The following DAPK2 variants were observed in gnomAD, a reference collection of about 807,000 sequenced individuals.
DAPK2 encodes death associated protein kinase 2.
DAPK2 carries 35 observed loss-of-function variants against 44.1 expected under a neutral mutation model. The ratio of observed to expected loss-of-function variants is 0.79; its 90% CI spans 0.61 to 1.05. The LOEUF (loss-of-function observed/expected upper bound fraction) is 1.05. Among genes scored for constraint, DAPK2 ranks in the 50% least tolerant of loss-of-function variants. The pLI is 0.00. For synonymous variants in DAPK2, 174 were observed against 182.6 expected (o/e 0.95, Z 0.38); for missense variants, 453 against 483.2 (o/e 0.94, Z 0.59).
intron 3 of DAPK2, among the ~76,000 whole-genome samples, chr15:63,950,571 A>AC (rs1335662024): frequency 1.3e-5 from 2 of 151,944 alleles, no homozygotes; most frequent in African/African-American, 2.4e-5. Flanking sequence ...AAAGAAAAAA[A>AC]CACTGTTTTA....
chr15:63,997,359 G>A (rs947183227), intron 1 of DAPK2, among the ~76,000 whole-genome samples: 3 of 152,186 alleles, frequency 2.0e-5, no homozygotes, highest in East Asian at 1.9e-4. Context: ...ACAGATTCTC[G>A]CTCTGTCACC....
At chr15:63,907,358 T>G (rs911899793) in exon 11 of DAPK2, 1 of 151,978 alleles carries the variant, frequency 6.6e-6, no homozygotes, top group African/African-American at 2.4e-5. Context: ...GGAGACACAC[T>G]CAGCTCCTAA....
At position 63,923,643 on chromosome 15, in the gene DAPK2, C is replaced by G. The variant is rs1204042141; in HGVS notation, c.858+1173G>C. Among the ~76,000 whole-genome samples, 1 of 152,256 alleles carries G rather than the reference C, an allele frequency of 6.6e-6. No individual in the cohort carries two copies. Among genetic ancestry groups the G allele is most frequent in the Non-Finnish European group, 1.5e-5 (1 of 68,046 alleles). On this transcript the variant is annotated intron_variant, in intron 8 of 10. Transcript: ENST00000261891. The surrounding 1 kb of genome is among the most constrained non-coding windows in gnomAD (Gnocchi z 4.2). ...CAAGCAGGCTGCAGCCAGGACTCCG[C>G]AGGCATCTGCGCAGGGCTGGAGCAC...
At chr15:63,930,553 C>T (rs764821079) in intron 4 of DAPK2, 98 bp from the exon 6 acceptor site, 178 of 1,110,602 alleles carry the variant, frequency 1.6e-4, no homozygotes, top group Middle Eastern at 2.0e-4. Flanking sequence ...ATATCTCCAT[C>T]CTGAATCTCC....
chr15:63,930,648 C>A (rs1407064261), intron 4 of DAPK2, among the ~76,000 whole-genome samples, 193 bp from the exon 6 acceptor site: 1 of 152,040 alleles, frequency 6.6e-6, no homozygotes, highest in Non-Finnish European at 1.5e-5. Context: ...TTTGTGCGTC[C>A]CCAAATTCAT....
At chr15:63,964,190 T>C (rs1407367165) in intron 3 of DAPK2, among the ~76,000 whole-genome samples, 1 of 152,220 alleles carries the variant, frequency 6.6e-6, no homozygotes, top group Admixed American at 6.5e-5. Context: ...TTATTTCTCC[T>C]TTATGTTTGA....
chr15:63,957,337 C>G (rs114508956), intron 3 of DAPK2, among the ~76,000 whole-genome samples: 12,028 of 151,960 alleles, frequency 0.079, 648 homozygotes, highest in African/African-American at 0.16. Context: ...TTGTAGGCAA[C>G]ATATCATTGG....
chr15:64,039,810 T>C (rs535175211), intron 1 of DAPK2, among the ~76,000 whole-genome samples: 31 of 152,242 alleles, frequency 2.0e-4, no homozygotes, highest in South Asian at 4.2e-4. Flanking sequence ...CTGGGAACCA[T>C]GGAGAATCCC....
intron 1 of DAPK2, among the ~76,000 whole-genome samples, chr15:64,009,614 T>C (rs2079331092): frequency 6.6e-6 from 1 of 152,114 alleles, no homozygotes. Context: ...TACTCCTGTT[T>C]TAAGTTCAAG....
At chr15:63,974,949 G>T (rs58102943) in intron 2 of DAPK2, among the ~76,000 whole-genome samples, 3,186 of 152,250 alleles carry the variant, frequency 0.021, 111 homozygotes, top group African/African-American at 0.073. Context: ...CTGGTCACTT[G>T]TGCCCGAATT....
At chr15:64,040,995 A>G (rs571943597), upstream of DAPK2, among the ~76,000 whole-genome samples, 2 of 152,152 alleles carry the variant, frequency 1.3e-5, no homozygotes, top group African/African-American at 4.8e-5. Context: ...GCTGCCAGAG[A>G]CTTAGCTTCT....
chr15:63,948,772 G>A (rs2077515689), intron 3 of DAPK2, among the ~76,000 whole-genome samples: 1 of 152,162 alleles, frequency 6.6e-6, no homozygotes, highest in Non-Finnish European at 1.5e-5. Flanking sequence ...AGTCACATGT[G>A]TCTCATTTTG....
At chr15:64,008,489 A>G (rs1432337847) in intron 1 of DAPK2, among the ~76,000 whole-genome samples, 2 of 152,222 alleles carry the variant, frequency 1.3e-5, no homozygotes, top group African/African-American at 4.8e-5. Flanking sequence ...CTCTAGAGAG[A>G]CTTCAAATGA....
At chr15:63,969,903 T>C (rs1200598937) in intron 3 of DAPK2, among the ~76,000 whole-genome samples, 1 of 152,162 alleles carries the variant, frequency 6.6e-6, no homozygotes, top group Non-Finnish European at 1.5e-5. Context: ...ATAATGGACA[T>C]GCCAGACCCT....
At chr15:63,968,064 T>G (rs1035346951) in intron 3 of DAPK2, among the ~76,000 whole-genome samples, 3 of 152,016 alleles carry the variant, frequency 2.0e-5, no homozygotes, top group Non-Finnish European at 4.4e-5. Flanking sequence ...AAATGTGGAT[T>G]TTATATGGTG....
At chr15:63,937,935 G>A (rs2077207656) in intron 4 of DAPK2, among the ~76,000 whole-genome samples, 1 of 152,132 alleles carries the variant, frequency 6.6e-6, no homozygotes, top group African/African-American at 2.4e-5. Flanking sequence ...TGTGACCTTG[G>A]GTGTGTCATT....
chr15:64,033,551 G>A (rs919437381), intron 1 of DAPK2, among the ~76,000 whole-genome samples: 17 of 152,288 alleles, frequency 1.1e-4, no homozygotes, highest in Middle Eastern at 3.4e-3. Context: ...TGTTATGGTC[G>A]TGTGGTCCCC....
intron 8 of DAPK2, chr15:63,921,696 T>C (rs1388221187): frequency 1.3e-5 from 2 of 152,274 alleles, no homozygotes; most frequent in African/African-American, 2.4e-5. Context: ...CAAGGCCCAA[T>C]GGCCTAGGTA....
upstream of DAPK2, among the ~76,000 whole-genome samples, chr15:64,042,647 T>C (rs892748024): frequency 6.6e-5 from 10 of 152,224 alleles, no homozygotes; most frequent in Non-Finnish European, 1.5e-5. The surrounding 1 kb of genome is among the most constrained non-coding windows in gnomAD (Gnocchi z 4.7). Flanking sequence ...AGGGACAAAC[T>C]AGGCCCACCA....
Sources: gnomAD v4.1 joint callset for allele counts (sites outside exome capture counted in the v4.1 genomes callset) on GRCh38, gnomAD v4.1.1 for gene constraint, Gnocchi (gnomAD v3.1) non-coding constraint, MANE v1.5 for transcripts, NCBI Gene and HGNC (gene_info 2026-07-23, HGNC 2026-07-21) for gene names.